The following PSMC1 variants were observed in gnomAD, a reference collection of about 807,000 sequenced individuals.
PSMC1 encodes the protein 26S proteasome regulatory subunit 4.
PSMC1 carries 5 observed loss-of-function variants against 49.8 expected under a neutral mutation model. The ratio of observed to expected loss-of-function variants is 0.10; its 90% CI spans 0.05 to 0.21. The LOEUF (loss-of-function observed/expected upper bound fraction) is 0.21, where lower values mean the gene tolerates loss of function less well. PSMC1 is among the 10% of genes least tolerant of loss of function. PSMC1 has a pLI of 1.00. For synonymous variants in PSMC1, 155 were observed against 192.1 expected, an observed-to-expected ratio of 0.81 and a Z score of 1.60; for missense variants, 181 against 535.7, an observed-to-expected ratio of 0.34 and a Z score of 6.54.
At chr14:90,267,954 T>C (rs1891561454) in intron 7 of PSMC1, 1 of 328,240 alleles carries the variant, frequency 3.0e-6, no homozygotes, top group Non-Finnish European at 5.5e-6. Context: ...GGGTCAAGGT[T>C]GGAAAATAAC....
At position 90,272,107 on chromosome 14, in the gene PSMC1, T is replaced by C; in HGVS notation, c.1189-166T>C. The stretch of plus-strand genomic sequence containing the variant: ...TGGGGTTTCACCGTGTTGGCCAGGC[T>C]GGTCTTGAACTCCTGACCTTAGGCG... On this transcript the variant is annotated intron_variant, in intron 10 of 10. Transcript: ENST00000261303. The surrounding 1 kb of genome is among the most constrained non-coding windows in gnomAD (Gnocchi z 4.5). 1 of 563,556 alleles carries C rather than the reference T, an allele frequency of 1.8e-6. No homozygotes were observed. The allele number at this position is 563,556 out of a possible 1,614,324, so 34.9% of individuals were successfully genotyped here.
chr14:90,271,444 T>C (rs144293259), intron 10 of PSMC1: 244 of 152,348 alleles, frequency 1.6e-3, no homozygotes, highest in African/African-American at 5.7e-3. Context: ...GTTATTGTTT[T>C]CTTTTACTTT....
At chr14:90,263,943 C>G in intron 5 of PSMC1, 96 bp downstream of exon 5, 1 of 1,583,706 alleles carries the variant, frequency 6.3e-7, no homozygotes, top group Admixed American at 1.8e-5. Flanking sequence ...CACCAAAGCA[C>G]TCCTCAGGCA....
At chr14:90,261,272 T>C (rs1424511755) in intron 3 of PSMC1, among the ~76,000 whole-genome samples, 1 of 152,214 alleles carries the variant, frequency 6.6e-6, no homozygotes, top group East Asian at 1.9e-4. Flanking sequence ...TCAGCTCAAA[T>C]ACCTCCCCAA....
At chr14:90,263,879 G>T in intron 5 of PSMC1, 32 bp downstream of exon 5, 2 of 1,611,294 alleles carry the variant, frequency 1.2e-6, no homozygotes. Flanking sequence ...GAAAGCCCAC[G>T]GAAGTGCTTT....
Position 90,263,643 on chromosome 14 carries a change from T to G in PSMC1, c.280-19T>G, listed in dbSNP as rs1429110168. 1 of 1,611,790 alleles carries G rather than the reference T, an allele frequency of 6.2e-7. No homozygotes were observed. Among genetic ancestry groups the G allele is most frequent in the Admixed American group, 1.7e-5 (1 of 59,860 alleles). Reference sequence around the variant, plus strand: ...TTGAGGTCTAGTCTGCTTTTTTCCCTTGGCATTTTCATATGTAGGAGGAAA... The same window carrying G: ...TTGAGGTCTAGTCTGCTTTTTTCCCGTGGCATTTTCATATGTAGGAGGAAA... On this transcript the variant is annotated intron_variant, in intron 4 of 10. Transcript: ENST00000261303.
rs542353965 is a variant in PSMC1, at chr14:90,271,961, C to T, written c.1189-312C>T. On this transcript the variant is annotated intron_variant, in intron 10 of 10. Transcript: ENST00000261303. ...AGGCTAGAGTGCAGTGGCGCGATCT[C>T]GGCTCACTGTAACCTCTGCCTCCCG... 16 of 209,966 alleles carry T rather than the reference C, an allele frequency of 7.6e-5. No individual in the cohort carries two copies. In the East Asian group the frequency reaches 1.8e-3, roughly 24 times the overall value. The allele number at this position is 209,966 out of a possible 1,614,324, so 13.0% of individuals were successfully genotyped here.
chr14:90,267,943 T>G lies in PSMC1; in HGVS notation c.692-281T>G. 9.6e-6 allele frequency: 3 copies of G among 312,188 alleles called. No homozygotes were observed. In the South Asian group the frequency reaches 2.0e-4, roughly 21 times the overall value. The allele number at this position is 312,188 out of a possible 1,614,324, so 19.3% of individuals were successfully genotyped here. A position where few individuals can be genotyped will look rare whatever the true frequency, so the allele number is the denominator to read the frequency against. ...TAGTTCGCAGCTTTTCAGGGGAAACTGGGTCAAGGTTGGAAAATAACCAAG... is the reference window on the plus strand; with the variant it reads ...TAGTTCGCAGCTTTTCAGGGGAAACGGGGTCAAGGTTGGAAAATAACCAAG... On this transcript the variant is annotated intron_variant, in intron 7 of 10. Transcript: ENST00000261303.
At position 90,273,986 on chromosome 14, in the gene PSMC1, T is replaced by TTAA. The variant is rs1891734108; in HGVS notation, c.*1581_*1583dup. The TTAA allele has an allele frequency of 6.7e-6, 1 of 148,788 alleles. No homozygotes were observed. The highest frequency in any genetic ancestry group is 2.5e-5 in the African/African-American group (1 of 40,516). 9.2% of individuals were successfully genotyped at this position (148,788 alleles called of 1,614,324 possible). ...CCCTGTTTTAAAGTTTACAATCTTC[T>TTAA]TAATTTTTATCTGCAAAGTTCCTTT... is the stretch of plus-strand genomic sequence containing the variant. On this transcript the variant is annotated 3_prime_UTR_variant, in exon 11 of 11. Transcript: ENST00000261303.
chr14:90,266,189 A>C (rs900553050), intron 7 of PSMC1, among the ~76,000 whole-genome samples: 2 of 150,878 alleles, frequency 1.3e-5, no homozygotes, highest in African/African-American at 4.9e-5. Flanking sequence ...TGAGAGTCTG[A>C]GGTTGCAGTG....
At position 90,269,379 on chromosome 14, in the gene PSMC1, CT is replaced by C. The variant is rs71117332; in HGVS notation, c.882-7del. On this transcript the variant is annotated splice_polypyrimidine_tract_variant and intron_variant, in intron 8 of 10. Transcript: ENST00000261303. Reference sequence around the variant, plus strand: ...GATCAGTTGAGTCTTCATTCCTTCCCTTTTTTTTTTTCCAAAGATATGACTC... The same window carrying C: ...GATCAGTTGAGTCTTCATTCCTTCCCTTTTTTTTTTCCAAAGATATGACTC... 4,429 of 1,390,862 alleles carry C rather than the reference CT, an allele frequency of 3.2e-3. No individual in the cohort carries two copies. Among genetic ancestry groups the C allele is most frequent in the Admixed American group, 5.8e-3 (293 of 50,340 alleles). The allele number at this position is 1,390,862 out of a possible 1,614,324, so 86.2% of individuals were successfully genotyped here.
At chr14:90,266,960 C>T (rs1049353822) in intron 7 of PSMC1, among the ~76,000 whole-genome samples, 1 of 152,108 alleles carries the variant, frequency 6.6e-6, no homozygotes, top group African/African-American at 2.4e-5. Flanking sequence ...TAGCCACCTC[C>T]ACACTCCTCC....
At chr14:90,260,271 A>G (rs1891372020) in intron 3 of PSMC1, 60 bp downstream of exon 3, 2 of 1,278,864 alleles carry the variant, frequency 1.6e-6, no homozygotes, top group South Asian at 1.3e-5. Flanking sequence ...ATCTCTGTGC[A>G]TGTAGCTTAG....
rs1891735885 is a variant in PSMC1, at chr14:90,274,047, T to C, written c.*1640T>C. ...CATTCACACGTTCCAGGGCTTAGGG[T>C]GTGGCCATCTTTAGGGGCGCCACTC... On this transcript the variant is annotated 3_prime_UTR_variant, in exon 11 of 11. Coordinates refer to ENST00000261303, the MANE Select transcript of PSMC1 (RefSeq NM_002802.3). 6.5e-6 allele frequency: 1 copy of C among 154,838 alleles called. No individual in the cohort carries two copies. The highest frequency in any genetic ancestry group is 1.5e-5 in the Non-Finnish European group (1 of 68,248). 9.6% of individuals were successfully genotyped at this position (154,838 alleles called of 1,614,324 possible).
chr14:90,272,017 C>G lies in PSMC1; in HGVS notation c.1189-256C>G, dbSNP rs986476542. ...AAGCAATTCTCCTGCCTCAGCCTCC[C>G]GAGTAGCTAGGATTACAGGTGCCTG... On this transcript the variant is annotated intron_variant, in intron 10 of 10. Transcript: ENST00000261303. This position sits in a 1 kb window ranked among gnomAD's most constrained non-coding sequence, Gnocchi z 4.5. The G allele has an allele frequency of 2.4e-5, 7 of 291,890 alleles. No individual in the cohort carries two copies. The highest frequency in any genetic ancestry group is 4.6e-5 in the Non-Finnish European group (7 of 150,884). 18.1% of individuals were successfully genotyped at this position (291,890 alleles called of 1,614,324 possible).
rs965287061 is a variant in PSMC1 at position 90,273,708 on chromosome 14, G to C, written c.*1301G>C. On this transcript the variant is annotated 3_prime_UTR_variant, in exon 11 of 11. Coordinates refer to ENST00000261303, the MANE Select transcript of PSMC1 (RefSeq NM_002802.3). ...AGGGAGAATCCGTTTCCTTGCTGAGGATTATTGTTGGCAGAATTTAATTTC... is the reference window on the plus strand; with the variant it reads ...AGGGAGAATCCGTTTCCTTGCTGAGCATTATTGTTGGCAGAATTTAATTTC... The C allele has an allele frequency of 6.5e-6, 1 of 154,492 alleles. No individual in the cohort carries two copies. The highest frequency in any genetic ancestry group is 1.5e-5 in the Non-Finnish European group (1 of 68,234). 9.6% of individuals were successfully genotyped at this position (154,492 alleles called of 1,614,324 possible).
chr14:90,272,148 C>A lies in PSMC1; in HGVS notation c.1189-125C>A. On this transcript the variant is annotated intron_variant, in intron 10 of 10. Transcript: ENST00000261303. This position sits in a 1 kb window ranked among gnomAD's most constrained non-coding sequence, Gnocchi z 4.5. ...ACCTTAGGCGATCCACCTGCCTCGG[C>A]CTCCCAGAGTGCTGGGATTACAGGT... 1 of 1,028,896 alleles carries A rather than the reference C, an allele frequency of 9.7e-7. No individual in the cohort carries two copies. Among genetic ancestry groups the A allele is most frequent in the Non-Finnish European group, 1.4e-6 (1 of 713,036 alleles). 63.7% of individuals were successfully genotyped at this position (1,028,896 alleles called of 1,614,324 possible).
intron 5 of PSMC1, 50 bp downstream of exon 5, chr14:90,263,897 C>A: frequency 6.2e-7 from 1 of 1,606,410 alleles, no homozygotes; most frequent in South Asian, 1.1e-5. Flanking sequence ...TTTCTCTTCT[C>A]ACTTAGGTTC....
chr14:90,266,941 C>T (rs1164947968), intron 7 of PSMC1, among the ~76,000 whole-genome samples: 1 of 152,144 alleles, frequency 6.6e-6, no homozygotes, highest in African/African-American at 2.4e-5. Context: ...TTCCCTGTCA[C>T]ACACCAGCTA....
Sources: gnomAD v4.1 joint callset for allele counts (sites outside exome capture counted in the v4.1 genomes callset) on GRCh38, gnomAD v4.1.1 for gene constraint, Gnocchi (gnomAD v3.1) non-coding constraint, MANE v1.5 for transcripts, NCBI Gene and HGNC (gene_info 2026-07-23, HGNC 2026-07-21) for gene names.